RUVBL1: variants seen among roughly 807,000 people sequenced by gnomAD.
RUVBL1 encodes RuvB like AAA ATPase 1.
Under a neutral mutation model 52.4 loss-of-function variants are expected in RUVBL1, and 4 were observed. That is an observed-to-expected ratio of 0.08 (90% CI 0.04 to 0.17). RUVBL1 has a LOEUF of 0.17. RUVBL1 is among the 10% of genes least tolerant of loss of function. The pLI, the probability that RUVBL1 is intolerant of heterozygous loss-of-function variation, is 1.00. For synonymous variants in RUVBL1, 217 were observed against 214.4 expected, an observed-to-expected ratio of 1.01 and a Z score of -0.10; for missense variants, 298 against 572.8, an observed-to-expected ratio of 0.52 and a Z score of 4.90.
At chr3:128,146,406 C>CTG (rs539310968) in intron 1 of RUVBL1, among the ~76,000 whole-genome samples, 5 of 142,038 alleles carry the variant, frequency 3.5e-5, no homozygotes, top group Non-Finnish European at 6.1e-5. Flanking sequence ...GTGCGTGCAT[C>CTG]TGTGTGTGTG....
At chr3:128,123,540 C>T (rs1305984035) in intron 1 of RUVBL1, 44 bp downstream of exon 1, 2 of 1,513,958 alleles carry the variant, frequency 1.3e-6, no homozygotes, top group Non-Finnish European at 8.9e-7. Flanking sequence ...CTCGCCGCAG[C>T]AGCCCTGCTT....
At chr3:128,087,836 C>T in intron 8 of RUVBL1, 28 bp from the exon 9 acceptor site, 10 of 1,510,468 alleles carry the variant, frequency 6.6e-6, no homozygotes, top group Non-Finnish European at 8.3e-6. Context: ...AATCCCATCA[C>T]CTAAGCCTCT....
At chr3:128,078,548 C>T (rs1357144586), downstream of RUVBL1, among the ~76,000 whole-genome samples, 1 of 152,236 alleles carries the variant, frequency 6.6e-6, no homozygotes, top group Non-Finnish European at 1.5e-5. Flanking sequence ...GGGTGGCACC[C>T]AAGAGAGCCT....
exon 1 of RUVBL1, chr3:128,153,773 C>T: frequency 6.5e-7 from 1 of 1,536,910 alleles, no homozygotes; most frequent in Non-Finnish European, 8.7e-7. Context: ...CTTCAGGTCA[C>T]GCTGGTCGAC....
At chr3:128,093,761 G>A (rs1227143077) in intron 8 of RUVBL1, among the ~76,000 whole-genome samples, 1 of 152,202 alleles carries the variant, frequency 6.6e-6, no homozygotes, top group Non-Finnish European at 1.5e-5. Context: ...TTAGGGAGGA[G>A]CCAGGCAAGA....
At chr3:128,120,019 T>C (rs1339572908) in intron 1 of RUVBL1, among the ~76,000 whole-genome samples, 2 of 152,222 alleles carry the variant, frequency 1.3e-5, no homozygotes, top group African/African-American at 2.4e-5. Flanking sequence ...TGTCATGCTA[T>C]GATTTGTTTT....
chr3:128,153,831 C>A, exon 1 of RUVBL1: 1 of 1,497,568 alleles, frequency 6.7e-7, no homozygotes, highest in Non-Finnish European at 8.8e-7. Context: ...GCGGTGAGCG[C>A]GGGCCGGGGC....
At chr3:128,116,531 A>T (rs1293111712) in intron 2 of RUVBL1, among the ~76,000 whole-genome samples, 1 of 151,230 alleles carries the variant, frequency 6.6e-6, no homozygotes, top group Non-Finnish European at 1.5e-5. Flanking sequence ...TTCATCTCAA[A>T]AAAAAAAAAA....
intron 2 of RUVBL1, among the ~76,000 whole-genome samples, chr3:128,114,344 T>C (rs1576469953): frequency 6.6e-6 from 1 of 152,214 alleles, no homozygotes; most frequent in Non-Finnish European, 1.5e-5. Flanking sequence ...CTTTTGGTGA[T>C]AGTTTTGAGG....
At position 128,148,693 on chromosome 3, in the gene RUVBL1, T is replaced by A. The variant is rs182307941; in HGVS notation, c.-40+4510A>T. ...TGGGACCTTCTTGTGTCTGCTGTTA[T>A]CCATCTCTTATGTATCCTTGTAGGG... is the stretch of plus-strand genomic sequence containing the variant. On this transcript the variant is annotated intron_variant, in intron 1 of 9. Coordinates refer to the RUVBL1 transcript ENST00000464873. Among the ~76,000 whole-genome samples the A allele has an allele frequency of 3.6e-3, 545 of 152,342 alleles. 5 individuals carry two copies. Among genetic ancestry groups the A allele is most frequent in the Admixed American group, 5.4e-3 (82 of 15,302 alleles).
At chr3:128,125,236 C>A (rs1485579536), upstream of RUVBL1, among the ~76,000 whole-genome samples, 2 of 151,976 alleles carry the variant, frequency 1.3e-5, no homozygotes, top group African/African-American at 2.4e-5. Flanking sequence ...AGAATGGTCT[C>A]AATCTCCTGA....
intron 9 of RUVBL1, chr3:128,074,982 A>AC (rs1163810728): frequency 1.3e-5 from 2 of 152,128 alleles, no homozygotes; most frequent in African/African-American, 4.8e-5. Context: ...GACAAGACTG[A>AC]CTGGCAGGCA....
At chr3:128,146,278 ATG>A (rs1944101851) in intron 1 of RUVBL1, among the ~76,000 whole-genome samples, 2 of 151,794 alleles carry the variant, frequency 1.3e-5, no homozygotes, top group African/African-American at 2.4e-5. Flanking sequence ...TGGTGTGTGT[ATG>A]TGTGTGTATG....
At chr3:128,088,501 T>G (rs1233846895) in intron 8 of RUVBL1, among the ~76,000 whole-genome samples, 1 of 149,352 alleles carries the variant, frequency 6.7e-6, no homozygotes, top group Non-Finnish European at 1.5e-5. Flanking sequence ...TGCCCTATAG[T>G]ATAATATATA....
At chr3:128,099,504 T>C (rs963601431) in intron 6 of RUVBL1, among the ~76,000 whole-genome samples, 10 of 152,248 alleles carry the variant, frequency 6.6e-5, no homozygotes, top group African/African-American at 2.4e-4. Flanking sequence ...CTCACTAGAT[T>C]TGACCACAGG....
rs140669219 is a variant in RUVBL1 at position 128,123,156 on chromosome 3, A to C, written c.141+428T>G. Among the ~76,000 whole-genome samples the C allele has an allele frequency of 2.0e-3, 305 of 152,254 alleles. 3 individuals are homozygous for C. The highest frequency in any genetic ancestry group is 6.8e-3 in the African/African-American group (281 of 41,530). On this transcript the variant is annotated intron_variant, in intron 1 of 10. Coordinates refer to ENST00000322623, the MANE Select transcript of RUVBL1 (RefSeq NM_003707.3). ...CCAATTTCCTGACCGTGGCCGACAA[A>C]GCCCTGCAGTAACTAACCCCACCAA...
intron 1 of RUVBL1, among the ~76,000 whole-genome samples, chr3:128,120,244 A>G (rs1943612551): frequency 6.6e-6 from 1 of 152,240 alleles, no homozygotes; most frequent in Non-Finnish European, 1.5e-5. Context: ...ATTAAGGGGT[A>G]AGAATCAATG....
intron 1 of RUVBL1, among the ~76,000 whole-genome samples, chr3:128,142,969 C>T (rs556128858): frequency 1.2e-4 from 19 of 152,128 alleles, no homozygotes; most frequent in Admixed American, 4.6e-4. Flanking sequence ...TTATTAGAGA[C>T]GGGGTTTTAC....
At chr3:128,094,336 G>A (rs553347920) in intron 8 of RUVBL1, among the ~76,000 whole-genome samples, 2 of 152,340 alleles carry the variant, frequency 1.3e-5, no homozygotes, top group East Asian at 3.9e-4. Flanking sequence ...TACACAGGGA[G>A]GGGTGAGCGG....
Sources: allele counts gnomAD v4.1 joint callset (sites outside exome capture counted in the v4.1 genomes callset), GRCh38; gene constraint gnomAD v4.1.1; transcripts MANE v1.5; gene names NCBI Gene and HGNC (gene_info 2026-07-23, HGNC 2026-07-21).